Variants in CAMSAP1 observed in about 807,000 individuals in gnomAD.
CAMSAP1 encodes calmodulin regulated spectrin associated protein 1, also known as calmodulin-regulated spectrin-associated protein 1.
Under a neutral mutation model 143.5 loss-of-function variants are expected in CAMSAP1, and 58 were observed. That is an observed-to-expected ratio of 0.40 (90% CI 0.33 to 0.50). The LOEUF is 0.50. CAMSAP1 is among the 20% of genes least tolerant of loss of function. The probability of loss-of-function intolerance (pLI) is 0.45; values close to 1 mark genes in which losing one functional copy is unlikely to be tolerated. For synonymous variants in CAMSAP1, 945 were observed against 859.3 expected (o/e 1.10, Z -1.74); for missense variants, 1,969 against 2,115.7 (o/e 0.93, Z 1.36).
chr9:135,850,708 C>T (rs1440399313), intron 5 of CAMSAP1, among the ~76,000 whole-genome samples: 1 of 152,186 alleles, frequency 6.6e-6, no homozygotes, highest in Non-Finnish European at 1.5e-5. Context: ...ATAGAAATCG[C>T]TCAGATCTCA....
chr9:135,827,525 T>C lies in CAMSAP1; in HGVS notation c.1105A>G (p.Lys369Glu). 1 of 1,612,738 alleles carries C rather than the reference T, an allele frequency of 6.2e-7. No homozygotes were observed. The highest frequency in any genetic ancestry group is 8.5e-7 in the Non-Finnish European group (1 of 1,178,848). The part of the protein sequence containing the change: ...RPPVPISNAT[K>E]RSFLGSPAAG... ...GCAGGGCTGCCTAGGAAACTGCGTT[T>C]GGTCGCGTTGGAGATCGGTACAGGA... Residue 369 changes from lysine (K) to glutamate (E), a missense_variant, in exon 8 of 17, where the codon AAA becomes GAA. Coordinates refer to ENST00000389532, the MANE Select transcript of CAMSAP1 (RefSeq NM_015447.4).
intron 1 of CAMSAP1, among the ~76,000 whole-genome samples, chr9:135,897,164 A>G (rs543439231): frequency 2.0e-5 from 3 of 152,134 alleles, no homozygotes; most frequent in African/African-American, 7.2e-5. Context: ...TACACACGAA[A>G]GTTTTTTTGA....
At chr9:135,849,583 T>G (rs1255174095) in intron 7 of CAMSAP1, among the ~76,000 whole-genome samples, 4 of 152,202 alleles carry the variant, frequency 2.6e-5, no homozygotes, top group African/African-American at 4.8e-5. Flanking sequence ...ATACTAGTTA[T>G]TTATCTACCA....
At chr9:135,852,591 G>C (rs1013975962) in intron 5 of CAMSAP1, among the ~76,000 whole-genome samples, 1 of 152,074 alleles carries the variant, frequency 6.6e-6, no homozygotes, top group African/African-American at 2.4e-5. Flanking sequence ...CGGCTCCCTC[G>C]GTGAGGCCAC....
At chr9:135,814,595 G>A (rs1166019758) in intron 16 of CAMSAP1, among the ~76,000 whole-genome samples, 3 of 152,258 alleles carry the variant, frequency 2.0e-5, no homozygotes, top group East Asian at 1.9e-4. Flanking sequence ...CTCAGCGGGT[G>A]CGCGCCTCTT....
intron 1 of CAMSAP1, among the ~76,000 whole-genome samples, chr9:135,900,693 T>C (rs1314436472): frequency 6.6e-6 from 1 of 150,788 alleles, no homozygotes; most frequent in African/African-American, 2.4e-5. Context: ...AGATTCCGTC[T>C]CAAAAAAAAG....
At chr9:135,843,618 T>C (rs1042411630) in intron 7 of CAMSAP1, among the ~76,000 whole-genome samples, 1 of 151,960 alleles carries the variant, frequency 6.6e-6, no homozygotes, top group African/African-American at 2.4e-5. Context: ...ATGCCTGTAA[T>C]CCCAGCACTC....
At position 135,809,600 on chromosome 9, in the gene CAMSAP1, AC is replaced by A. The variant is rs1377634534; in HGVS notation, c.*1708del. The A allele has an allele frequency of 6.6e-6, 1 of 152,640 alleles. No individual in the cohort carries two copies. The highest frequency in any genetic ancestry group is 1.5e-5 in the Non-Finnish European group (1 of 68,040). 9.5% of individuals were successfully genotyped at this position (152,640 alleles called of 1,614,324 possible). A position where few individuals can be genotyped will look rare whatever the true frequency, so the allele number is the denominator to read the frequency against. On this transcript the variant is annotated 3_prime_UTR_variant, in exon 17 of 17. Coordinates refer to ENST00000389532, the MANE Select transcript of CAMSAP1 (RefSeq NM_015447.4). ...TCAATGTAAAGCAAATTAGTTCATC[AC>A]TTTATTACATCTTAGTGCTTTCTTA...
chr9:135,839,087 A>T (rs892776803), intron 7 of CAMSAP1, among the ~76,000 whole-genome samples: 3 of 152,228 alleles, frequency 2.0e-5, no homozygotes, highest in Non-Finnish European at 4.4e-5. Flanking sequence ...CTGCAGACAC[A>T]CTTCGCTACA....
intron 3 of CAMSAP1, among the ~76,000 whole-genome samples, chr9:135,875,261 G>A (rs2130965867): frequency 6.6e-6 from 1 of 151,176 alleles, no homozygotes; most frequent in South Asian, 2.1e-4. Context: ...CCAGGCTGGA[G>A]TGCAGTGGCA....
intron 7 of CAMSAP1, among the ~76,000 whole-genome samples, chr9:135,844,166 T>C (rs1388658617): frequency 6.6e-6 from 1 of 152,166 alleles, no homozygotes; most frequent in East Asian, 1.9e-4. Context: ...CAGCACCACG[T>C]AGCACTTACT....
At chr9:135,905,955 T>C (rs1838763709) in intron 1 of CAMSAP1, among the ~76,000 whole-genome samples, 2 of 152,248 alleles carry the variant, frequency 1.3e-5, no homozygotes, top group African/African-American at 4.8e-5. Context: ...AAGGTTCCAC[T>C]GAGCCAGTAA....
At chr9:135,833,989 A>G (rs1835935199) in intron 7 of CAMSAP1, among the ~76,000 whole-genome samples, 1 of 152,216 alleles carries the variant, frequency 6.6e-6, no homozygotes, top group Non-Finnish European at 1.5e-5. Flanking sequence ...AATAAAAAGC[A>G]GGCTAAGGTC....
chr9:135,855,778 T>C lies in CAMSAP1; in HGVS notation c.809-5317A>G, dbSNP rs962790630. On this transcript the variant is annotated intron_variant, in intron 5 of 16. Transcript: ENST00000389532. ...AAAAAAAAAAAAAAAAAAGGCCGGGTGCGGTGGCTCACGCCTGTAATCCCA... is the reference window on the plus strand; with the variant it reads ...AAAAAAAAAAAAAAAAAAGGCCGGGCGCGGTGGCTCACGCCTGTAATCCCA... Among the ~76,000 whole-genome samples, 291 of 112,526 alleles carry C rather than the reference T, an allele frequency of 2.6e-3. 1 individual carries two copies. The highest frequency in any genetic ancestry group is 8.0e-3 in the East Asian group (32 of 4,000). The allele number at this position is 112,526 out of a possible 152,430, so 73.8% of individuals were successfully genotyped here. A position where few individuals can be genotyped will look rare whatever the true frequency, so the allele number is the denominator to read the frequency against.
At position 135,861,461 on chromosome 9, in the gene CAMSAP1, C is replaced by T. The variant is rs183250682; in HGVS notation, c.808+1006G>A. Among the ~76,000 whole-genome samples, 809 of 152,122 alleles carry T rather than the reference C, an allele frequency of 5.3e-3. 13 individuals are homozygous for T. Among genetic ancestry groups the T allele is most frequent in the South Asian group, 0.032 (152 of 4,808 alleles). On this transcript the variant is annotated intron_variant, in intron 5 of 16. Transcript: ENST00000389532. ...CCAAGTAGCTGGGACTACAGGCACG[C>T]GCCACCACACCTGGCTAATTTTTAG...
chr9:135,845,556 A>T (rs530325032), intron 7 of CAMSAP1, among the ~76,000 whole-genome samples: 7 of 152,364 alleles, frequency 4.6e-5, no homozygotes, highest in Middle Eastern at 3.4e-3. Flanking sequence ...GTATTCAAAT[A>T]GGAAGAAAGG....
At chr9:135,892,723 C>T (rs1046121267) in intron 1 of CAMSAP1, among the ~76,000 whole-genome samples, 10 of 151,324 alleles carry the variant, frequency 6.6e-5, no homozygotes, top group Non-Finnish European at 1.0e-4. Context: ...TGGTGGCATG[C>T]GCCTGTAATC....
chr9:135,851,968 C>T (rs931381132), intron 5 of CAMSAP1, among the ~76,000 whole-genome samples: 2 of 152,194 alleles, frequency 1.3e-5, no homozygotes, highest in African/African-American at 4.8e-5. Flanking sequence ...GGTTGTGCCT[C>T]GCTCCAGTCC....
intron 3 of CAMSAP1, among the ~76,000 whole-genome samples, chr9:135,880,398 C>T (rs1381139915): frequency 6.6e-6 from 1 of 152,094 alleles, no homozygotes; most frequent in Non-Finnish European, 1.5e-5. Flanking sequence ...CAAATCTGAA[C>T]TAGGGCCCGG....
Sources: gnomAD v4.1 joint callset for allele counts (sites outside exome capture counted in the v4.1 genomes callset) on GRCh38, gnomAD v4.1.1 for gene constraint, MANE v1.5 for transcripts, NCBI Gene and HGNC (gene_info 2026-07-23, HGNC 2026-07-21) for gene names.